The following CCDC50 variants were observed in gnomAD, a reference collection of about 807,000 sequenced individuals.
The protein encoded by CCDC50 is coiled-coil domain containing 50.
In CCDC50, 54 loss-of-function variants were observed where a neutral mutation model predicts 70.2. The ratio of observed to expected loss-of-function variants is 0.77; its 90% confidence interval spans 0.62 to 0.96. The LOEUF (loss-of-function observed/expected upper bound fraction) is 0.96. Among genes scored for constraint, CCDC50 ranks in the 50% least tolerant of loss-of-function variants. CCDC50 has a pLI of 0.00. For synonymous variants in CCDC50, 216 were observed against 198.8 expected, an observed-to-expected ratio of 1.09 and a Z score of -0.73; for missense variants, 558 against 578.7, an observed-to-expected ratio of 0.96 and a Z score of 0.37.
At chr3:191,330,044 GACTT>G (rs1717912123) in intron 1 of CCDC50, among the ~76,000 whole-genome samples, 2 of 151,912 alleles carry the variant, frequency 1.3e-5, no homozygotes, top group Admixed American at 1.3e-4. Flanking sequence ...GGGTGAATCT[GACTT>G]ACTCCGCTTC....
Position 191,357,128 on chromosome 3 carries a change from T to C in CCDC50, c.90T>C (p.Ala30=), listed in dbSNP as rs771813708. ...DFAVLEDHTL[A]HSLQEQEIEH... ...CTGTCCTGGAGGACCACACCCTGGC[T>C]CACAGCCTGCAGGAACAAGAGAGTG... Residue 30 remains alanine, a synonymous_variant, in exon 2 of 12, where the codon GCT becomes GCC. Coordinates refer to ENST00000392455, the MANE Select transcript of CCDC50 (RefSeq NM_178335.3). The C allele has an allele frequency of 2.4e-5, 39 of 1,613,628 alleles. No individual in the cohort carries two copies. In the Admixed American group the frequency reaches 6.5e-4, roughly 27 times the overall value.
At chr3:191,366,966 A>T (rs1198990499) in intron 4 of CCDC50, among the ~76,000 whole-genome samples, 4 of 152,080 alleles carry the variant, frequency 2.6e-5, no homozygotes, top group Non-Finnish European at 4.4e-5. Context: ...TTACACTGAA[A>T]TTATCTGACA....
chr3:191,387,853 TA>T (rs1369496007), intron 10 of CCDC50, among the ~76,000 whole-genome samples: 1 of 152,140 alleles, frequency 6.6e-6, no homozygotes, highest in Non-Finnish European at 1.5e-5. Flanking sequence ...ATGACATTAA[TA>T]AAAGAGAGAA....
chr3:191,344,911 C>T (rs530551148), intron 1 of CCDC50, among the ~76,000 whole-genome samples: 2 of 152,236 alleles, frequency 1.3e-5, no homozygotes, highest in Admixed American at 1.3e-4. Context: ...TCCCATTGAG[C>T]GTTAGACTGT....
At chr3:191,354,444 A>G (rs1256636268) in intron 1 of CCDC50, among the ~76,000 whole-genome samples, 2 of 152,232 alleles carry the variant, frequency 1.3e-5, no homozygotes, top group Non-Finnish European at 1.5e-5. Flanking sequence ...TATTTTTAAA[A>G]TTATTGTAGT....
rs1713800054 is a variant in CCDC50, at chr3:191,394,550, T to A, written c.*2790T>A. ...AGGCCCACAGTGTATTATGCTTTAATGTTGTGATGTAAACTAATACTTCTG... is the reference window on the plus strand; with the variant it reads ...AGGCCCACAGTGTATTATGCTTTAAAGTTGTGATGTAAACTAATACTTCTG... On this transcript the variant is annotated 3_prime_UTR_variant, in exon 12 of 12. Transcript: ENST00000392455. 1 of 152,196 alleles carries A rather than the reference T, an allele frequency of 6.6e-6. No homozygotes were observed. The highest frequency in any genetic ancestry group is 2.4e-5 in the African/African-American group (1 of 41,458). The allele number at this position is 152,196 out of a possible 1,614,324, so 9.4% of individuals were successfully genotyped here. A position where few individuals can be genotyped will look rare whatever the true frequency, so the allele number is the denominator to read the frequency against.
chr3:191,395,312 A>G lies in CCDC50; in HGVS notation c.*3552A>G, dbSNP rs994582618. The G allele has an allele frequency of 6.6e-6, 1 of 152,178 alleles. No individual in the cohort carries two copies. The highest frequency in any genetic ancestry group is 6.5e-5 in the Admixed American group (1 of 15,274). The allele number at this position is 152,178 out of a possible 1,614,324, so 9.4% of individuals were successfully genotyped here. ...TCAGTATAAAAATAATTAGCTTTTA[A>G]CTGATTATTAATTTTCTTTAATAGT... On this transcript the variant is annotated 3_prime_UTR_variant, in exon 12 of 12. Transcript: ENST00000392455.
intron 1 of CCDC50, among the ~76,000 whole-genome samples, chr3:191,343,230 A>G (rs1429869815): frequency 1.3e-5 from 2 of 152,152 alleles, no homozygotes; most frequent in South Asian, 2.1e-4. Flanking sequence ...TATGATGGCT[A>G]TTATTTCTCT....
intron 3 of CCDC50, among the ~76,000 whole-genome samples, chr3:191,359,478 A>T (rs996332507): frequency 6.6e-6 from 1 of 152,226 alleles, no homozygotes; most frequent in African/African-American, 2.4e-5. Flanking sequence ...ATTTTAAATT[A>T]TAAGGAATGG....
rs553943287 is a variant in CCDC50 at position 191,394,667 on chromosome 3, G to A, written c.*2907G>A. On this transcript the variant is annotated 3_prime_UTR_variant, in exon 12 of 12. Coordinates refer to ENST00000392455, the MANE Select transcript of CCDC50 (RefSeq NM_178335.3). ...TTGTTGAATAAGCACAATATATGAC[G>A]GAGCCTTATCATAAGGCTGCTTGAC... 5 of 152,144 alleles carry A rather than the reference G, an allele frequency of 3.3e-5. No individual in the cohort carries two copies. The South Asian group carries it at 8.3e-4, about 25-fold the overall frequency. 9.4% of individuals were successfully genotyped at this position (152,144 alleles called of 1,614,324 possible).
chr3:191,389,484 G>A lies in CCDC50; in HGVS notation c.1323-12G>A, dbSNP rs1034437742. The stretch of plus-strand genomic sequence containing the variant: ...ACTTAGAATGCCCCTTTAAATTCTG[G>A]ATTCCTTTTAGGCCACCACCACCTA... On this transcript the variant is annotated splice_polypyrimidine_tract_variant and intron_variant, in intron 10 of 11. Transcript: ENST00000392455. 3.7e-6 allele frequency: 6 copies of A among 1,608,894 alleles called. No homozygotes were observed. The African/African-American group carries it at 5.3e-5, about 14-fold the overall frequency.
chr3:191,331,189 T>G (rs1717971083), intron 1 of CCDC50, among the ~76,000 whole-genome samples: 1 of 152,170 alleles, frequency 6.6e-6, no homozygotes, highest in Non-Finnish European at 1.5e-5. Context: ...CCTTGTGCAG[T>G]GTGTAGTGCA....
At chr3:191,367,536 A>G (rs1712738593) in intron 4 of CCDC50, among the ~76,000 whole-genome samples, 1 of 152,192 alleles carries the variant, frequency 6.6e-6, no homozygotes, top group African/African-American at 2.4e-5. Context: ...AGAAATAGTC[A>G]CTACTAATAC....
chr3:191,346,098 G>A (rs530887073), intron 1 of CCDC50, among the ~76,000 whole-genome samples: 131 of 152,146 alleles, frequency 8.6e-4, no homozygotes, highest in Non-Finnish European at 7.4e-5. Flanking sequence ...GAAGATTGTC[G>A]ACAAATTTGG....
chr3:191,356,952 A>G (rs1712305767), intron 1 of CCDC50, 136 bp from the exon 2 acceptor site: 1 of 703,756 alleles, frequency 1.4e-6, no homozygotes, highest in Non-Finnish European at 2.6e-6. Flanking sequence ...TATTTTATGC[A>G]TTGAGAATTA....
intron 1 of CCDC50, chr3:191,330,506 TTAGGTGCTGGATCG>T (rs1717943812): frequency 6.6e-6 from 1 of 152,398 alleles, no homozygotes; most frequent in South Asian, 2.1e-4. Context: ...TGCTGAGATC[TTAGGTGCTGGATCG>T]CCTTATGCCT....
rs1250401356 is a variant in CCDC50, at chr3:191,394,195, G to T, written c.*2435G>T. The stretch of plus-strand genomic sequence containing the variant: ...TGAAAATTTGTTACTTTTTTTAAAG[G>T]TTTTTAAAAGATTACAATTTTAAAA... On this transcript the variant is annotated 3_prime_UTR_variant, in exon 12 of 12. Transcript: ENST00000392455. 2 of 151,880 alleles carry T rather than the reference G, an allele frequency of 1.3e-5. No individual in the cohort carries two copies. 9.4% of individuals were successfully genotyped at this position (151,880 alleles called of 1,614,324 possible). A position where few individuals can be genotyped will look rare whatever the true frequency, so the allele number is the denominator to read the frequency against.
At chr3:191,366,506 A>G (rs757348580) in intron 4 of CCDC50, among the ~76,000 whole-genome samples, 9 of 152,138 alleles carry the variant, frequency 5.9e-5, no homozygotes, top group Non-Finnish European at 1.2e-4. Flanking sequence ...CCAGAAGTCT[A>G]TCTCATTAAT....
At chr3:191,371,258 G>A (rs548908357) in intron 5 of CCDC50, among the ~76,000 whole-genome samples, 1 of 152,230 alleles carries the variant, frequency 6.6e-6, no homozygotes, top group East Asian at 1.9e-4. Context: ...GGTGGTGATG[G>A]TGATGGTGAT....
Sources: gnomAD v4.1 joint callset for allele counts (sites outside exome capture counted in the v4.1 genomes callset) on GRCh38, gnomAD v4.1.1 for gene constraint, MANE v1.5 for transcripts, NCBI Gene and HGNC (gene_info 2026-07-23, HGNC 2026-07-21) for gene names.